The following MAP3K5 variants were observed in gnomAD, a reference collection of about 807,000 sequenced individuals.
MAP3K5 encodes the protein mitogen-activated protein kinase kinase kinase 5, also known as ASK-1.
In MAP3K5, 56 loss-of-function variants were observed where a neutral mutation model predicts 158.7. That is an observed-to-expected ratio of 0.35 (90% confidence interval 0.28 to 0.44). MAP3K5 has a LOEUF of 0.44. MAP3K5 is among the 20% of genes least tolerant of loss of function. The pLI is 1.00. For missense variants in MAP3K5, 1,294 were observed against 1,674.8 expected, an observed-to-expected ratio of 0.77 and a Z score of 3.97; for synonymous variants, 579 against 601.7, an observed-to-expected ratio of 0.96 and a Z score of 0.55.
chr6:136,601,639 C>A (rs1775880295), intron 20 of MAP3K5, among the ~76,000 whole-genome samples, 163 bp downstream of exon 20: 2 of 152,198 alleles, frequency 1.3e-5, no homozygotes, highest in African/African-American at 4.8e-5. Flanking sequence ...TGGAATACAG[C>A]TCCCTGATAC....
At chr6:136,599,514 GCT>G (rs1775786861) in intron 21 of MAP3K5, among the ~76,000 whole-genome samples, 1 of 151,188 alleles carries the variant, frequency 6.6e-6, no homozygotes, top group Admixed American at 6.6e-5. Flanking sequence ...ATATATGCAC[GCT>G]CTTGCCAAGT....
intron 2 of MAP3K5, among the ~76,000 whole-genome samples, chr6:136,710,742 TGAAA>T (rs1361025476): frequency 1.3e-5 from 2 of 152,202 alleles, no homozygotes; most frequent in Admixed American, 1.3e-4. Flanking sequence ...TTCACCTTCC[TGAAA>T]GAAGAGAAAG....
intron 15 of MAP3K5, among the ~76,000 whole-genome samples, chr6:136,621,410 G>C (rs1407487203): frequency 6.6e-6 from 1 of 152,076 alleles, no homozygotes; most frequent in African/African-American, 2.4e-5. Flanking sequence ...CGCCATATCT[G>C]GTTCAGGTTC....
At chr6:136,686,533 C>A (rs1355734525) in intron 7 of MAP3K5, among the ~76,000 whole-genome samples, 1 of 152,138 alleles carries the variant, frequency 6.6e-6, no homozygotes, top group African/African-American at 2.4e-5. Flanking sequence ...CCCATCGTCT[C>A]AGCCCAAAAT....
intron 14 of MAP3K5, among the ~76,000 whole-genome samples, chr6:136,625,773 T>C (rs924715013): frequency 3.3e-5 from 5 of 152,124 alleles, no homozygotes; most frequent in Non-Finnish European, 7.3e-5. Flanking sequence ...ATATAAACTA[T>C]GTAAGGAAAC....
intron 14 of MAP3K5, among the ~76,000 whole-genome samples, chr6:136,623,986 G>C (rs2129096935): frequency 6.6e-6 from 1 of 152,254 alleles, no homozygotes; most frequent in South Asian, 2.1e-4. Context: ...CTGAGGTCAG[G>C]AGTTTGAGAC....
chr6:136,693,256 T>TTCCA lies in MAP3K5; in HGVS notation c.1253+880_1253+883dup, dbSNP rs1214006167. The stretch of plus-strand genomic sequence containing the variant: ...AGTCTGTTCCAGGCTGTCTCTTGTA[T>TTCCA]TCCAGTGCTTTGTTTGTCTATGCCT... On this transcript the variant is annotated intron_variant, in intron 7 of 29. Coordinates refer to ENST00000359015, the MANE Select transcript of MAP3K5 (RefSeq NM_005923.4). Among the ~76,000 whole-genome samples, 6 of 152,224 alleles carry TTCCA rather than the reference T, an allele frequency of 3.9e-5. No homozygotes were observed. The East Asian group carries it at 7.7e-4, about 20-fold the overall frequency.
chr6:136,580,649 G>A (rs777305934), intron 24 of MAP3K5, among the ~76,000 whole-genome samples: 9 of 152,158 alleles, frequency 5.9e-5, no homozygotes, highest in Non-Finnish European at 1.2e-4. Context: ...AAATGAGAAT[G>A]TTGCTTCTTT....
intron 18 of MAP3K5, among the ~76,000 whole-genome samples, chr6:136,608,484 G>C (rs970500926): frequency 2.6e-5 from 4 of 152,160 alleles, no homozygotes; most frequent in Admixed American, 2.0e-4. Context: ...TGTTTTGAAG[G>C]CTTCGTGGAC....
At chr6:136,763,648 T>C (rs897788277) in intron 1 of MAP3K5, among the ~76,000 whole-genome samples, 1 of 152,202 alleles carries the variant, frequency 6.6e-6, no homozygotes, top group African/African-American at 2.4e-5. Context: ...AAGGCCTCAG[T>C]TTCCCTCTAT....
intron 1 of MAP3K5, among the ~76,000 whole-genome samples, chr6:136,784,814 C>T (rs1390320679): frequency 6.6e-6 from 1 of 152,104 alleles, no homozygotes; most frequent in Non-Finnish European, 1.5e-5. Flanking sequence ...GTTATGTCCC[C>T]CACTAATTTT....
At position 136,580,285 on chromosome 6, in the gene MAP3K5, A is replaced by G. The variant is rs1329776512; in HGVS notation, c.3517+16T>C. 6.5e-7 allele frequency: 1 copy of G among 1,531,194 alleles called. No homozygotes were observed. Among genetic ancestry groups the G allele is most frequent in the Non-Finnish European group, 9.1e-7 (1 of 1,104,678 alleles). 94.9% of individuals were successfully genotyped at this position (1,531,194 alleles called of 1,614,324 possible). A position where few individuals can be genotyped will look rare whatever the true frequency, so the allele number is the denominator to read the frequency against. On this transcript the variant is annotated intron_variant, in intron 25 of 29. Coordinates refer to ENST00000359015, the MANE Select transcript of MAP3K5 (RefSeq NM_005923.4). ...CCAAGCACTAAATATGTGCAGAGTA[A>G]TTAAATATCTCTGACCTGGAACCAG...
intron 7 of MAP3K5, 116 bp from the exon 8 acceptor site, chr6:136,669,511 T>G: frequency 1.6e-6 from 1 of 641,238 alleles, no homozygotes; most frequent in Non-Finnish European, 2.8e-6. Flanking sequence ...TGCACTGGCC[T>G]TCACCCCAGA....
chr6:136,739,401 G>A (rs1782619017), intron 1 of MAP3K5, among the ~76,000 whole-genome samples: 1 of 152,112 alleles, frequency 6.6e-6, no homozygotes, highest in Admixed American at 6.5e-5. Context: ...ACAACAAAGA[G>A]GTGTCAATGA....
At chr6:136,771,268 CATTATT>C (rs1784189639) in intron 1 of MAP3K5, among the ~76,000 whole-genome samples, 1 of 152,100 alleles carries the variant, frequency 6.6e-6, no homozygotes, top group African/African-American at 2.4e-5. Context: ...ACACTAATCT[CATTATT>C]ATTATTATCA....
chr6:136,561,481 AC>A, intron 28 of MAP3K5, 51 bp downstream of exon 28: 1 of 1,360,368 alleles, frequency 7.4e-7, no homozygotes, highest in Non-Finnish European at 1.1e-6. Context: ...CAGGCACCCA[AC>A]ATTATGAAAC....
intron 1 of MAP3K5, among the ~76,000 whole-genome samples, chr6:136,751,897 T>C (rs542983267): frequency 6.6e-6 from 1 of 152,324 alleles, no homozygotes; most frequent in African/African-American, 2.4e-5. Flanking sequence ...AACTTTCAGT[T>C]TGATTTATGG....
In MAP3K5 at chr6:136,687,812, A is replaced by G. The variant is rs117135875; in HGVS notation, c.1253+6328T>C. Among the ~76,000 whole-genome samples, 693 of 152,316 alleles carry G rather than the reference A, an allele frequency of 4.5e-3. 7 individuals are homozygous for G. The highest frequency in any genetic ancestry group is 0.017 in the Middle Eastern group (5 of 294). On this transcript the variant is annotated intron_variant, in intron 7 of 29. Coordinates refer to ENST00000359015, the MANE Select transcript of MAP3K5 (RefSeq NM_005923.4). ...GTGTGGAGAAATAAGAACTTTTTAC[A>G]CTGTCAGTGGGAGTGTAAATTAGTT...
In MAP3K5 at chr6:136,708,448, G is replaced by A. The variant is rs140896506; in HGVS notation, c.589-3315C>T. Among the ~76,000 whole-genome samples the A allele has an allele frequency of 2.6e-3, 395 of 151,992 alleles. 6 individuals are homozygous for A. Among genetic ancestry groups the A allele is most frequent in the Non-Finnish European group, 3.0e-3 (207 of 67,972 alleles). ...TTTTTGTATTTTTAGTAGAGATGGGGTTTCACCATGTTTCCCAGGCTGGTT... is the reference window on the plus strand; with the variant it reads ...TTTTTGTATTTTTAGTAGAGATGGGATTTCACCATGTTTCCCAGGCTGGTT... On this transcript the variant is annotated intron_variant, in intron 2 of 29. Coordinates refer to ENST00000359015, the MANE Select transcript of MAP3K5 (RefSeq NM_005923.4).
Sources: gnomAD v4.1 joint callset for allele counts (sites outside exome capture counted in the v4.1 genomes callset) on GRCh38, gnomAD v4.1.1 for gene constraint, MANE v1.5 for transcripts, NCBI Gene and HGNC (gene_info 2026-07-23, HGNC 2026-07-21) for gene names.